OTC: variants seen among roughly 807,000 people sequenced by gnomAD.
OTC encodes ornithine transcarbamylase.
In OTC, 3 loss-of-function variants were observed where a neutral mutation model predicts 30.3. That is an observed-to-expected ratio of 0.10 (90% CI 0.05 to 0.26). The LOEUF (loss-of-function observed/expected upper bound fraction) is 0.26, where lower values mean the gene tolerates loss of function less well. OTC is among the 10% of genes least tolerant of loss of function. The pLI is 1.00. For missense variants in OTC, 194 were observed against 260.3 expected, an observed-to-expected ratio of 0.75 and a Z score of 1.75; for synonymous variants, 111 against 99.7, an observed-to-expected ratio of 1.11 and a Z score of -0.67.
chrX:38,354,861 T>A (rs2068232668), intron 1 of OTC, among the ~76,000 whole-genome samples: 1 of 111,977 alleles, frequency 8.9e-6, no homozygotes, highest in Non-Finnish European at 1.9e-5. Context: ...AATTCAGAAT[T>A]TCTGGTCTCC....
intron 6 of OTC, among the ~76,000 whole-genome samples, chrX:38,404,357 C>A (rs185112700): frequency 8.1e-5 from 9 of 111,593 alleles, no homozygotes; most frequent in African/African-American, 2.9e-4. Flanking sequence ...CCTTTTGATA[C>A]ACAAGAAACT....
At chrX:38,405,442 T>A (rs2147343481) in intron 6 of OTC, among the ~76,000 whole-genome samples, 1 of 111,249 alleles carries the variant, frequency 9.0e-6, no homozygotes, top group Non-Finnish European at 1.9e-5. Flanking sequence ...ATTTTCCCTC[T>A]GTGTCTGTGT....
chrX:38,377,632 G>A (rs1250178141), intron 3 of OTC, among the ~76,000 whole-genome samples: 2 of 111,824 alleles, frequency 1.8e-5, no homozygotes, highest in Admixed American at 9.4e-5. Flanking sequence ...CCAGATTTTC[G>A]CAACAGTCTC....
At chrX:38,378,557 G>C (rs1375195613) in intron 3 of OTC, among the ~76,000 whole-genome samples, 1 of 111,423 alleles carries the variant, frequency 9.0e-6, no homozygotes, top group East Asian at 2.8e-4. Flanking sequence ...TATAAAGCAA[G>C]TATTATTAGA....
chrX:38,345,116 C>T, the OTC span, among the ~76,000 whole-genome samples: 4 of 111,181 alleles, frequency 3.6e-5, no homozygotes, highest in African/African-American at 9.8e-5. Flanking sequence ...GTTGGAGGAT[C>T]GCTTGAGCCC....
intron 3 of OTC, among the ~76,000 whole-genome samples, chrX:38,376,297 C>G (rs2068347775): frequency 8.9e-6 from 1 of 111,943 alleles, no homozygotes; most frequent in Non-Finnish European, 1.9e-5. Flanking sequence ...AAATCTGTAT[C>G]TGTTTTTAAA....
chrX:38,399,476 C>T (rs768876812), intron 4 of OTC, among the ~76,000 whole-genome samples: 58 of 111,464 alleles, frequency 5.2e-4, no homozygotes, highest in Admixed American at 1.3e-3. Context: ...TTGCCAGGTG[C>T]GGTGGCTCAC....
the OTC span, among the ~76,000 whole-genome samples, chrX:38,337,291 T>A: frequency 0.032 from 3,627 of 112,513 alleles, 98 homozygotes; most frequent in African/African-American, 0.091. Context: ...TGTATTTATA[T>A]CCTTAAAATG....
At chrX:38,331,435 T>G in the OTC span, among the ~76,000 whole-genome samples, 3 of 70,824 alleles carry the variant, frequency 4.2e-5, no homozygotes, top group African/African-American at 1.8e-4. Context: ...TTTTTTGTTT[T>G]TTTTTTGTTT....
the OTC span, among the ~76,000 whole-genome samples, chrX:38,343,527 A>G: frequency 3.6e-5 from 4 of 112,098 alleles, no homozygotes; most frequent in Non-Finnish European, 5.6e-5. Flanking sequence ...TTGGGTCATT[A>G]ACCATATTTA....
upstream of OTC, among the ~76,000 whole-genome samples, chrX:38,349,001 A>G (rs2068202234): frequency 8.9e-6 from 1 of 112,045 alleles, no homozygotes; most frequent in East Asian, 2.8e-4. Flanking sequence ...AGTTGTTGAC[A>G]CAGAAAGCTC....
intron 3 of OTC, among the ~76,000 whole-genome samples, chrX:38,380,649 G>A (rs2068371197): frequency 8.9e-6 from 1 of 111,992 alleles, no homozygotes; most frequent in African/African-American, 3.2e-5. Context: ...GTGGTTTCAA[G>A]TCACTAAGAG....
the OTC span, among the ~76,000 whole-genome samples, chrX:38,343,309 C>A: frequency 8.9e-6 from 1 of 111,811 alleles, no homozygotes; most frequent in Non-Finnish European, 1.9e-5. Flanking sequence ...TCTGTGATTT[C>A]CCTGTTTGCT....
upstream of OTC, among the ~76,000 whole-genome samples, chrX:38,347,643 G>A (rs1297273393): frequency 8.9e-6 from 1 of 112,178 alleles, no homozygotes; most frequent in African/African-American, 3.2e-5. Flanking sequence ...TGTTTGTATG[G>A]ATCTCAAATT....
At chrX:38,369,394 C>A (rs1422617527) in intron 2 of OTC, among the ~76,000 whole-genome samples, 1 of 109,842 alleles carries the variant, frequency 9.1e-6, no homozygotes, top group East Asian at 2.8e-4. Context: ...GTTGCCCAGG[C>A]TGGAGTGCAG....
the OTC span, among the ~76,000 whole-genome samples, chrX:38,338,652 C>G: frequency 2.7e-5 from 3 of 112,104 alleles, no homozygotes; most frequent in Non-Finnish European, 5.6e-5. Context: ...AAATTATAAA[C>G]CAGGATATTC....
rs950402740 is a variant in OTC, at chrX:38,394,138, G to T, written c.387-7137G>T. Among the ~76,000 whole-genome samples the T allele has an allele frequency of 1.6e-4, 18 of 112,077 alleles. No individual in the cohort carries two copies. The Admixed American group carries it at 1.6e-3, about 10-fold the overall frequency. On this transcript the variant is annotated intron_variant, in intron 4 of 9. Coordinates refer to ENST00000039007, the MANE Select transcript of OTC (RefSeq NM_000531.6). The stretch of plus-strand genomic sequence containing the variant: ...GGGTTAGGACATGGACATCTTTGGG[G>T]ACCATTATTTTGTCTACCACATGAC...
At chrX:38,371,722 A>G (rs1396446944) in intron 3 of OTC, among the ~76,000 whole-genome samples, 1 of 111,924 alleles carries the variant, frequency 8.9e-6, no homozygotes, top group Non-Finnish European at 1.9e-5. Context: ...AAGAGAAGGA[A>G]GGAGGACGAG....
At chrX:38,413,272 TACATAAC>T (rs1423725892) in intron 9 of OTC, among the ~76,000 whole-genome samples, 3 of 112,245 alleles carry the variant, frequency 2.7e-5, no homozygotes, top group Non-Finnish European at 5.6e-5. Context: ...TTTAGTATAG[TACATAAC>T]ACATAACACA....
Sources: allele counts gnomAD v4.1 joint callset (sites outside exome capture counted in the v4.1 genomes callset), GRCh38; gene constraint gnomAD v4.1.1; transcripts MANE v1.5; gene names NCBI Gene and HGNC (gene_info 2026-07-23, HGNC 2026-07-21).